ELF2: variants seen among roughly 807,000 people sequenced by gnomAD.
ELF2 encodes E74 like ETS transcription factor 2, also known as ETS-related transcription factor Elf-2.
In ELF2, 11 loss-of-function variants were observed where a neutral mutation model predicts 54.8. That is an observed-to-expected ratio of 0.20 (90% confidence interval 0.13 to 0.33). The LOEUF (loss-of-function observed/expected upper bound fraction) is 0.33. Ranked by LOEUF, ELF2 falls within the 10% of genes least tolerant of loss-of-function variation. The pLI, the probability that ELF2 is intolerant of heterozygous loss-of-function variation, is 1.00. For synonymous variants in ELF2, 203 were observed against 245.1 expected, an observed-to-expected ratio of 0.83 and a Z score of 1.61; for missense variants, 513 against 703.0, an observed-to-expected ratio of 0.73 and a Z score of 3.06.
chr4:139,063,028 C>T (rs886168285), intron 7 of ELF2, among the ~76,000 whole-genome samples: 4 of 152,020 alleles, frequency 2.6e-5, no homozygotes, highest in African/African-American at 7.2e-5. Context: ...GGCCAGGAGG[C>T]GGGCATATCA....
At chr4:139,115,323 C>G in intron 4 of ELF2, 3 of 1,498,600 alleles carry the variant, frequency 2.0e-6, no homozygotes, top group Non-Finnish European at 1.8e-6. Flanking sequence ...CTGCCCGGCC[C>G]GGGGGCCGGG....
intron 4 of ELF2, chr4:139,084,409 A>ACCGGC: frequency 1.5e-5 from 21 of 1,374,448 alleles, no homozygotes; most frequent in Non-Finnish European, 1.3e-5. Context: ...CCCACCACCT[A>ACCGGC]ACGGCAGGGG....
At chr4:139,109,019 C>T (rs1236073159) in intron 4 of ELF2, among the ~76,000 whole-genome samples, 1 of 152,188 alleles carries the variant, frequency 6.6e-6, no homozygotes, top group Non-Finnish European at 1.5e-5. Context: ...AAAGTATCTT[C>T]TGCCAAAGAT....
chr4:139,114,561 T>TCCAGTCACACACACACACA lies in ELF2; in HGVS notation c.238+10602_238+10603insTGTGTGTGTGTGTGACTGG, dbSNP rs70940492. On this transcript the variant is annotated intron_variant, in intron 4 of 9. Coordinates refer to ENST00000686138, the MANE Select transcript of ELF2 (RefSeq NM_001331036.3). ...CTGGCAACAGAGCGAGACTTCAGTCTCACACACACACACACACACACACAC... is the reference window on the plus strand; with the variant it reads ...CTGGCAACAGAGCGAGACTTCAGTCTCCAGTCACACACACACACACACACACACACACACACACACACAC... 1.4e-4 allele frequency among the ~76,000 whole-genome samples: 15 copies of TCCAGTCACACACACACACA among 108,642 alleles called. No homozygotes were observed. The East Asian group carries it at 1.7e-3, about 12-fold the overall frequency. 71.3% of individuals were successfully genotyped at this position (108,642 alleles called of 152,430 possible).
At chr4:139,096,000 A>G (rs1733231118) in intron 4 of ELF2, among the ~76,000 whole-genome samples, 1 of 152,154 alleles carries the variant, frequency 6.6e-6, no homozygotes, top group Non-Finnish European at 1.5e-5. Context: ...AATCCCAGCT[A>G]CTCGGGAGGC....
intron 8 of ELF2, among the ~76,000 whole-genome samples, chr4:139,061,611 T>C (rs959649677): frequency 6.6e-6 from 1 of 152,216 alleles, no homozygotes; most frequent in African/African-American, 2.4e-5. Context: ...TACAACTTCA[T>C]AATTTCTATT....
At chr4:139,078,602 G>T (rs1429806888) in intron 4 of ELF2, among the ~76,000 whole-genome samples, 1 of 150,712 alleles carries the variant, frequency 6.6e-6, no homozygotes, top group African/African-American at 2.4e-5. Context: ...CACTCTCGGA[G>T]GGGGAGAGCG....
intron 3 of ELF2, among the ~76,000 whole-genome samples, chr4:139,132,841 CATATATAT>C (rs58765596): frequency 0.021 from 2,359 of 114,980 alleles, 64 homozygotes; most frequent in African/African-American, 0.059. Context: ...TATTACTTTA[CATATATAT>C]ATATATATAT....
At chr4:139,143,607 A>G (rs944973762) in intron 1 of ELF2, among the ~76,000 whole-genome samples, 1 of 152,180 alleles carries the variant, frequency 6.6e-6, no homozygotes, top group African/African-American at 2.4e-5. Flanking sequence ...CAACACAGTG[A>G]AACCCCGTCT....
intron 1 of ELF2, among the ~76,000 whole-genome samples, chr4:139,175,263 C>G (rs1206860595): frequency 6.6e-6 from 1 of 152,154 alleles, no homozygotes; most frequent in African/African-American, 2.4e-5. Flanking sequence ...CAAATTCTTT[C>G]CAACCATACT....
Position 139,131,344 on chromosome 4 carries a change from GGAGA to G in ELF2, c.73-6019_73-6016del, listed in dbSNP as rs368510269. Among the ~76,000 whole-genome samples the G allele has an allele frequency of 3.7e-4, 57 of 152,206 alleles. No homozygotes were observed. The East Asian group carries it at 0.01, about 28-fold the overall frequency. On this transcript the variant is annotated intron_variant, in intron 3 of 9. Transcript: ENST00000686138. ...AGTGATCTCAAAAACTTCCATTTAA[GGAGA>G]GAGATTCTTAGTTTAAAGAGGCAAG...
intron 4 of ELF2, among the ~76,000 whole-genome samples, chr4:139,112,366 T>C (rs552680578): frequency 6.6e-6 from 1 of 152,338 alleles, no homozygotes; most frequent in East Asian, 1.9e-4. Flanking sequence ...AATAACATGT[T>C]TAATAAATTG....
At chr4:139,110,861 T>C (rs1188007124) in intron 4 of ELF2, among the ~76,000 whole-genome samples, 1 of 152,206 alleles carries the variant, frequency 6.6e-6, no homozygotes, top group African/African-American at 2.4e-5. Flanking sequence ...CATACTTCTA[T>C]TGTAAATATT....
intron 5 of ELF2, among the ~76,000 whole-genome samples, chr4:139,072,864 A>G (rs1729720623): frequency 6.6e-6 from 1 of 152,224 alleles, no homozygotes; most frequent in Non-Finnish European, 1.5e-5. Context: ...GTGAATCCCA[A>G]TGAGAAGGTG....
At chr4:139,133,401 C>CCATT (rs1182372666) in intron 3 of ELF2, among the ~76,000 whole-genome samples, 2 of 152,234 alleles carry the variant, frequency 1.3e-5, no homozygotes, top group South Asian at 2.1e-4. Context: ...ATTTAACGTT[C>CCATT]CATTGATCTA....
intron 4 of ELF2, chr4:139,084,483 C>G (rs947691297): frequency 5.6e-5 from 56 of 995,088 alleles, no homozygotes; most frequent in Admixed American, 1.1e-4. Context: ...GCGGCCGCCG[C>G]AGCTGGCAAC....
intron 4 of ELF2, among the ~76,000 whole-genome samples, chr4:139,093,722 T>C (rs1260486051): frequency 1.3e-5 from 2 of 152,108 alleles, no homozygotes; most frequent in Non-Finnish European, 2.9e-5. Context: ...ACAAAAGGAA[T>C]AGAAGACAAT....
intron 4 of ELF2, among the ~76,000 whole-genome samples, chr4:139,098,862 G>T (rs796422923): frequency 6.6e-5 from 10 of 152,056 alleles, no homozygotes; most frequent in Admixed American, 3.3e-4. Context: ...AATAACACAG[G>T]TTCTTGTCTT....
intron 1 of ELF2, among the ~76,000 whole-genome samples, chr4:139,144,336 C>A (rs139778320): frequency 6.6e-6 from 1 of 152,154 alleles, no homozygotes; most frequent in South Asian, 2.1e-4. Flanking sequence ...GAGCCTTGTG[C>A]GTATTCCCGG....
Sources: gnomAD v4.1 joint callset for allele counts (sites outside exome capture counted in the v4.1 genomes callset) on GRCh38, gnomAD v4.1.1 for gene constraint, MANE v1.5 for transcripts, NCBI Gene and HGNC (gene_info 2026-07-23, HGNC 2026-07-21) for gene names.